The following CLSTN2 variants were observed in gnomAD, a reference collection of about 807,000 sequenced individuals.
CLSTN2 encodes calsyntenin-2.
In CLSTN2, 48 loss-of-function variants were observed where a neutral mutation model predicts 101.2. That is an observed-to-expected ratio of 0.47 (90% CI 0.38 to 0.60). The LOEUF (loss-of-function observed/expected upper bound fraction) is 0.60, where lower values mean the gene tolerates loss of function less well. Among genes scored for constraint, CLSTN2 ranks in the 20% least tolerant of loss-of-function variants. CLSTN2 has a pLI of 0.00. For synonymous variants in CLSTN2, 481 were observed against 463.6 expected, an observed-to-expected ratio of 1.04 and a Z score of -0.48; for missense variants, 1,160 against 1,238.2, an observed-to-expected ratio of 0.94 and a Z score of 0.95.
chr3:140,114,128 C>T (rs1452265846), intron 1 of CLSTN2, among the ~76,000 whole-genome samples: 1 of 152,108 alleles, frequency 6.6e-6, no homozygotes, highest in African/African-American at 2.4e-5. Context: ...GCTCAAAACA[C>T]CCCATCTCCA....
At chr3:139,938,241 G>A (rs1270121644) in intron 1 of CLSTN2, among the ~76,000 whole-genome samples, 1 of 151,978 alleles carries the variant, frequency 6.6e-6, no homozygotes, top group African/African-American at 2.4e-5. Flanking sequence ...AAAACACTGG[G>A]AGTCTGGAGT....
chr3:140,256,757 A>T (rs1237005156), intron 2 of CLSTN2, among the ~76,000 whole-genome samples: 1 of 152,224 alleles, frequency 6.6e-6, no homozygotes, highest in Non-Finnish European at 1.5e-5. Context: ...ATTCGGTTCA[A>T]CAGAAAGACA....
intron 10 of CLSTN2, 36 bp from the exon 11 acceptor site, chr3:140,556,477 C>A (rs763014485): frequency 1.2e-6 from 2 of 1,610,554 alleles, no homozygotes; most frequent in Non-Finnish European, 8.5e-7. Context: ...ACATCACTGA[C>A]CATTCTCTTC....
chr3:140,313,479 T>G (rs1471816494), intron 2 of CLSTN2, among the ~76,000 whole-genome samples: 2 of 152,162 alleles, frequency 1.3e-5, no homozygotes, highest in East Asian at 3.8e-4. Flanking sequence ...AGTGTCATTT[T>G]GAATTCTATG....
chr3:140,137,877 G>A (rs1051894539), intron 1 of CLSTN2, among the ~76,000 whole-genome samples: 1 of 152,136 alleles, frequency 6.6e-6, no homozygotes, highest in African/African-American at 2.4e-5. Context: ...ATCAGGGTTT[G>A]AATTTAAACC....
intron 2 of CLSTN2, among the ~76,000 whole-genome samples, chr3:140,304,420 G>A (rs987266152): frequency 1.3e-5 from 2 of 152,206 alleles, no homozygotes; most frequent in East Asian, 1.9e-4. Flanking sequence ...CTCCTGGTGA[G>A]GGTTCTCTTC....
At chr3:140,321,983 C>G (rs759425615) in intron 2 of CLSTN2, among the ~76,000 whole-genome samples, 1 of 152,176 alleles carries the variant, frequency 6.6e-6, no homozygotes, top group Non-Finnish European at 1.5e-5. Flanking sequence ...GGGCAGATGC[C>G]AAGGCCCTCA....
chr3:140,006,417 C>T (rs6439890), intron 1 of CLSTN2, among the ~76,000 whole-genome samples: 3 of 152,026 alleles, frequency 2.0e-5, no homozygotes, highest in Admixed American at 6.5e-5. Context: ...AGCAGGGAAG[C>T]CTTTCCTTAG....
At chr3:140,484,998 G>A (rs145514352) in intron 8 of CLSTN2, among the ~76,000 whole-genome samples, 242 of 152,272 alleles carry the variant, frequency 1.6e-3, no homozygotes, top group African/African-American at 5.7e-3. Flanking sequence ...TTCCATTGCT[G>A]GTGAGGAGCT....
intron 12 of CLSTN2, among the ~76,000 whole-genome samples, chr3:140,561,386 G>A (rs888587704): frequency 6.6e-6 from 1 of 152,102 alleles, no homozygotes; most frequent in Non-Finnish European, 1.5e-5. Flanking sequence ...GCCGAACTCT[G>A]CCCAGCATTC....
chr3:140,478,182 A>T (rs1302401352), intron 8 of CLSTN2, among the ~76,000 whole-genome samples: 1 of 152,160 alleles, frequency 6.6e-6, no homozygotes, highest in Non-Finnish European at 1.5e-5. Context: ...TCTAACACAA[A>T]TATGTGTTTA....
chr3:140,064,310 T>A (rs1286274133), intron 1 of CLSTN2, among the ~76,000 whole-genome samples: 1 of 152,248 alleles, frequency 6.6e-6, no homozygotes, highest in African/African-American at 2.4e-5. Context: ...TTCCTGTTTC[T>A]GGTTTCATTG....
chr3:140,115,528 A>G (rs1462579431), intron 1 of CLSTN2, among the ~76,000 whole-genome samples: 1 of 152,176 alleles, frequency 6.6e-6, no homozygotes, highest in Non-Finnish European at 1.5e-5. Flanking sequence ...AAATTTGAAT[A>G]GCAAGTTCTC....
intron 1 of CLSTN2, among the ~76,000 whole-genome samples, chr3:140,171,477 C>T (rs891094942): frequency 6.6e-6 from 1 of 150,494 alleles, no homozygotes; most frequent in African/African-American, 2.4e-5. Flanking sequence ...TCTGAACTGA[C>T]CTTTTGAAGG....
chr3:140,491,590 G>A (rs1934352725), intron 8 of CLSTN2, among the ~76,000 whole-genome samples: 1 of 152,264 alleles, frequency 6.6e-6, no homozygotes, highest in Non-Finnish European at 1.5e-5. Flanking sequence ...GGGAGGCCAA[G>A]GCGGGCAGAT....
At chr3:140,195,410 T>G (rs1371753083) in intron 2 of CLSTN2, among the ~76,000 whole-genome samples, 1 of 152,170 alleles carries the variant, frequency 6.6e-6, no homozygotes, top group East Asian at 1.9e-4. Context: ...CTAGGTGGTC[T>G]GCCTTTTTCT....
intron 1 of CLSTN2, among the ~76,000 whole-genome samples, chr3:140,157,329 T>C (rs1418435330): frequency 6.6e-6 from 1 of 152,176 alleles, no homozygotes; most frequent in Non-Finnish European, 1.5e-5. Flanking sequence ...TTCTTCTTCA[T>C]ATGTCTGGTA....
chr3:139,954,347 G>T (rs1400858762), intron 1 of CLSTN2, among the ~76,000 whole-genome samples: 2 of 152,190 alleles, frequency 1.3e-5, no homozygotes, highest in African/African-American at 4.8e-5. Flanking sequence ...CTTGTGTGCA[G>T]CACTTAAACT....
chr3:140,387,956 C>T (rs1281086044), intron 2 of CLSTN2, among the ~76,000 whole-genome samples: 1 of 152,220 alleles, frequency 6.6e-6, no homozygotes, highest in Non-Finnish European at 1.5e-5. Context: ...ACCACTCATT[C>T]TCCCTATTGA....
Sources: gnomAD v4.1 joint callset for allele counts (sites outside exome capture counted in the v4.1 genomes callset) on GRCh38, gnomAD v4.1.1 for gene constraint, MANE v1.5 for transcripts, NCBI Gene and HGNC (gene_info 2026-07-23, HGNC 2026-07-21) for gene names.